Variants in NOL4 observed in about 807,000 individuals in gnomAD.
NOL4 encodes cancer/testis antigen 125.
Under a neutral mutation model 75.9 loss-of-function variants are expected in NOL4, and 17 were observed. That is an observed-to-expected ratio of 0.22 (90% CI 0.15 to 0.34). NOL4 has a LOEUF of 0.34. Among genes scored for constraint, NOL4 ranks in the 10% least tolerant of loss-of-function variants. NOL4 has a pLI of 1.00. For synonymous variants in NOL4, 292 were observed against 289.9 expected, an observed-to-expected ratio of 1.01 and a Z score of -0.07; for missense variants, 614 against 793.5, an observed-to-expected ratio of 0.77 and a Z score of 2.72.
intron 1 of NOL4, among the ~76,000 whole-genome samples, chr18:34,130,571 T>C (rs2080593716): frequency 6.6e-6 from 1 of 152,044 alleles, no homozygotes; most frequent in Non-Finnish European, 1.5e-5. Flanking sequence ...CTCTAGAAAT[T>C]ATCTATGTGA....
intron 5 of NOL4, among the ~76,000 whole-genome samples, chr18:34,054,284 T>C (rs2076742004): frequency 6.6e-6 from 1 of 151,890 alleles, no homozygotes; most frequent in Non-Finnish European, 1.5e-5. Context: ...TTCTATCCAT[T>C]ATTAAAAGTG....
At chr18:33,921,760 C>T (rs2067053374) in intron 9 of NOL4, among the ~76,000 whole-genome samples, 1 of 152,154 alleles carries the variant, frequency 6.6e-6, no homozygotes, top group East Asian at 1.9e-4. Flanking sequence ...TTTTAAATCA[C>T]TGAGTTTGTG....
At chr18:34,028,190 T>A (rs1204815322) in intron 5 of NOL4, among the ~76,000 whole-genome samples, 2 of 152,196 alleles carry the variant, frequency 1.3e-5, no homozygotes, top group African/African-American at 4.8e-5. Context: ...GCTACACCAA[T>A]GTCACATAAG....
chr18:34,144,681 G>A (rs546886747), intron 1 of NOL4, among the ~76,000 whole-genome samples: 20 of 152,100 alleles, frequency 1.3e-4, no homozygotes, highest in Middle Eastern at 3.4e-3. Flanking sequence ...TTAACTTTAC[G>A]TTTTCTCACT....
At chr18:33,885,351 A>T (rs561973262) in intron 9 of NOL4, among the ~76,000 whole-genome samples, 2 of 152,274 alleles carry the variant, frequency 1.3e-5, no homozygotes, top group African/African-American at 4.8e-5. Flanking sequence ...AACCTTCTGC[A>T]CAGCAAAGGA....
chr18:33,869,902 C>T (rs16964997), intron 10 of NOL4, among the ~76,000 whole-genome samples: 23,208 of 151,960 alleles, frequency 0.15, 1,918 homozygotes, highest in Non-Finnish European at 0.19. Flanking sequence ...CAATCATTTT[C>T]GTGAACCTAG....
chr18:34,101,788 T>C (rs2145644008), intron 4 of NOL4, among the ~76,000 whole-genome samples: 1 of 152,186 alleles, frequency 6.6e-6, no homozygotes, highest in East Asian at 1.9e-4. Context: ...CAATCTATTC[T>C]CAGCCCCCAT....
intron 5 of NOL4, among the ~76,000 whole-genome samples, chr18:34,026,936 G>A (rs2075373191): frequency 6.6e-6 from 1 of 152,108 alleles, no homozygotes; most frequent in South Asian, 2.1e-4. Context: ...ATCTCAGCAG[G>A]AAACACATGT....
At chr18:34,038,444 T>C (rs2076006153) in intron 5 of NOL4, among the ~76,000 whole-genome samples, 1 of 152,086 alleles carries the variant, frequency 6.6e-6, no homozygotes, top group African/African-American at 2.4e-5. Flanking sequence ...AGCATGTTTA[T>C]TGTAGCACTA....
intron 5 of NOL4, among the ~76,000 whole-genome samples, chr18:34,058,542 T>C (rs1024022162): frequency 1.3e-5 from 2 of 152,168 alleles, no homozygotes; most frequent in Non-Finnish European, 2.9e-5. Flanking sequence ...TAAACTTTAC[T>C]GGAAAAACCC....
At chr18:33,908,396 G>C (rs2066193352) in intron 9 of NOL4, among the ~76,000 whole-genome samples, 1 of 152,092 alleles carries the variant, frequency 6.6e-6, no homozygotes, top group South Asian at 2.1e-4. Flanking sequence ...GTGCCAACAT[G>C]GTTGGCTGAG....
chr18:34,224,109 C>T lies in NOL4; in HGVS notation c.-856G>A, dbSNP rs1314350815. 6.6e-6 allele frequency: 1 copy of T among 152,186 alleles called. No individual in the cohort carries two copies. The highest frequency in any genetic ancestry group is 1.5e-5 in the Non-Finnish European group (1 of 68,046). 9.4% of individuals were successfully genotyped at this position (152,186 alleles called of 1,614,324 possible). A position where few individuals can be genotyped will look rare whatever the true frequency, so the allele number is the denominator to read the frequency against. On this transcript the variant is annotated 5_prime_UTR_variant, in exon 1 of 11. Transcript: ENST00000261592. ...AGTTCTACAGGATAGATTGTAGTGC[C>T]CCAAACAGATATCCGTTCCAGGGGG... is the stretch of plus-strand genomic sequence containing the variant.
chr18:34,094,399 G>T (rs2078672472), intron 4 of NOL4, among the ~76,000 whole-genome samples: 1 of 151,956 alleles, frequency 6.6e-6, no homozygotes, highest in South Asian at 2.1e-4. Flanking sequence ...TAAATTGCAC[G>T]GCAACCACAA....
intron 6 of NOL4, among the ~76,000 whole-genome samples, chr18:33,987,477 C>A (rs767234738): frequency 6.6e-6 from 1 of 152,036 alleles, no homozygotes; most frequent in African/African-American, 2.4e-5. Context: ...ATGGTTTGCA[C>A]AATAATGAGG....
At chr18:33,880,921 A>G (rs1156276290) in intron 10 of NOL4, among the ~76,000 whole-genome samples, 1 of 152,034 alleles carries the variant, frequency 6.6e-6, no homozygotes, top group African/African-American at 2.4e-5. Flanking sequence ...AGAGACAATC[A>G]TTATGTATTA....
At chr18:34,161,708 G>T (rs143086294) in intron 1 of NOL4, among the ~76,000 whole-genome samples, 3 of 152,016 alleles carry the variant, frequency 2.0e-5, no homozygotes, top group East Asian at 3.9e-4. Context: ...TTTTTATGCT[G>T]TTGAGTTGAG....
chr18:33,939,128 T>C lies in NOL4; in HGVS notation c.1542+3937A>G, dbSNP rs1050839820. 1.1e-4 allele frequency among the ~76,000 whole-genome samples: 17 copies of C among 152,276 alleles called. No homozygotes were observed. In the East Asian group the frequency reaches 3.1e-3, roughly 28 times the overall value. ...TTCTGAGGCCTCTGCTCTGTTCCAA[T>C]GGTCTATACATCTGTTTTGGTATCA... On this transcript the variant is annotated intron_variant, in intron 9 of 10. Coordinates refer to ENST00000261592, the MANE Select transcript of NOL4 (RefSeq NM_003787.5).
chr18:33,869,966 T>C (rs2063616219), intron 10 of NOL4, among the ~76,000 whole-genome samples: 1 of 152,244 alleles, frequency 6.6e-6, no homozygotes, highest in Admixed American at 6.6e-5. Context: ...TTCCCATTAA[T>C]GTTAATGCCT....
chr18:34,133,773 G>A (rs1033166842), intron 1 of NOL4, among the ~76,000 whole-genome samples: 5 of 152,114 alleles, frequency 3.3e-5, no homozygotes, highest in Middle Eastern at 3.4e-3. Flanking sequence ...CCTGTAATTC[G>A]AGCTCTTTGG....
Sources: gnomAD v4.1 joint callset for allele counts (sites outside exome capture counted in the v4.1 genomes callset) on GRCh38, gnomAD v4.1.1 for gene constraint, MANE v1.5 for transcripts, NCBI Gene and HGNC (gene_info 2026-07-23, HGNC 2026-07-21) for gene names.